Variants in HKDC1 observed in about 807,000 individuals in gnomAD.
HKDC1 encodes the protein hexokinase domain containing 1, also known as hexokinase HKDC1.
HKDC1 carries 66 observed loss-of-function variants against 96.6 expected under a neutral mutation model. That is an observed-to-expected ratio of 0.68 (90% CI 0.56 to 0.84). The LOEUF (loss-of-function observed/expected upper bound fraction) is 0.84. HKDC1 is among the 40% of genes least tolerant of loss of function. The pLI, the probability that HKDC1 is intolerant of heterozygous loss-of-function variation, is 0.00. For missense variants in HKDC1, 1,211 were observed against 1,208.1 expected (o/e 1.00, Z -0.04); for synonymous variants, 466 against 473.1 (o/e 0.98, Z 0.20).
rs2132340385 is a variant in HKDC1, at chr10:69,233,101, T to C, written c.463T>C (p.Ser155Pro). ...HKKLPLGLTF[S>P]FPCRQTKLEE... is the part of the protein sequence containing the mutation. Reference sequence around the variant, plus strand: ...GAAATTGCCCCTTGGCCTAACTTTTTCTTTCCCCTGTCGACAGACTAAACT... The same window carrying C: ...GAAATTGCCCCTTGGCCTAACTTTTCCTTTCCCCTGTCGACAGACTAAACT... Residue 155 changes from serine (S) to proline (P), a missense_variant, in exon 4 of 18, where the codon TCT (serine) becomes CCT (proline). By Grantham distance (74) the Ser-to-Pro change is moderately conservative (BLOSUM62 -1). Transcript: ENST00000354624. The C allele has an allele frequency of 2.5e-6, 4 of 1,614,164 alleles. No individual in the cohort carries two copies. The East Asian group carries it at 8.9e-5, about 36-fold the overall frequency.
intron 4 of HKDC1, 127 bp downstream of exon 4, chr10:69,233,260 G>A: frequency 3.0e-6 from 4 of 1,346,194 alleles, no homozygotes; most frequent in Non-Finnish European, 4.0e-6. Flanking sequence ...TTTTCTTTTT[G>A]TTCATGATGA....
In HKDC1 at chr10:69,258,888, C is replaced by T. The variant is rs775902183; in HGVS notation, c.2145C>T (p.Gly715=). 1 of 1,612,148 alleles carries T rather than the reference C, an allele frequency of 6.2e-7. No individual in the cohort carries two copies. The highest frequency in any genetic ancestry group is 1.1e-5 in the South Asian group (1 of 90,572). Residue 715 remains glycine (G), a synonymous_variant, in exon 15 of 18, where the codon GGC becomes GGT. Transcript: ENST00000354624. ...AGTGGGGAGGATTTGGAGACAATGG[C>T]TGCATAGATGACATCTGGACCCGAT... ...NTEWGGFGDN[G]CIDDIWTRYD...
At position 69,267,394 on chromosome 10, in the gene HKDC1, G is replaced by C; in HGVS notation, c.*637G>C. Reference sequence around the variant, plus strand: ...TTATGTCAGCACCCTGTAGGATTTTGTTCCTTATTAAGTGTGTGCCATGTG... The same window carrying C: ...TTATGTCAGCACCCTGTAGGATTTTCTTCCTTATTAAGTGTGTGCCATGTG... On this transcript the variant is annotated 3_prime_UTR_variant, in exon 18 of 18. Transcript: ENST00000354624. 2.3e-6 allele frequency: 1 copy of C among 429,594 alleles called. No individual in the cohort carries two copies. Among genetic ancestry groups the C allele is most frequent in the Non-Finnish European group, 4.6e-6 (1 of 219,724 alleles). 26.6% of individuals were successfully genotyped at this position (429,594 alleles called of 1,614,324 possible).
At chr10:69,246,499 C>A (rs1393551621) in intron 8 of HKDC1, among the ~76,000 whole-genome samples, 2 of 152,230 alleles carry the variant, frequency 1.3e-5, no homozygotes, top group Non-Finnish European at 2.9e-5. Flanking sequence ...AAAGTGGTAA[C>A]TTGTAGCATT....
At chr10:69,245,343 G>A (rs1370369854) in intron 7 of HKDC1, among the ~76,000 whole-genome samples, 4 of 152,050 alleles carry the variant, frequency 2.6e-5, no homozygotes, top group South Asian at 2.1e-4. Flanking sequence ...CCAGTGCTTC[G>A]GGAGGCCAGG....
chr10:69,251,780 G>A (rs1365145093), intron 12 of HKDC1, among the ~76,000 whole-genome samples: 4 of 141,750 alleles, frequency 2.8e-5, no homozygotes, highest in African/African-American at 1.1e-4. Context: ...TTTTTTTTGA[G>A]ACAGAGTCTC....
At chr10:69,261,000 C>G (rs1290274621) in intron 15 of HKDC1, 139 bp from the exon 16 acceptor site, 1 of 679,008 alleles carries the variant, frequency 1.5e-6, no homozygotes, top group Non-Finnish European at 2.5e-6. Context: ...GCAGTGCTTG[C>G]TCACATCAAG....
At chr10:69,245,606 T>TA (rs1446354030) in intron 7 of HKDC1, among the ~76,000 whole-genome samples, 2 of 149,416 alleles carry the variant, frequency 1.3e-5, no homozygotes, top group East Asian at 3.9e-4. Context: ...ATAATAATAA[T>TA]AATGTTCAAT....
chr10:69,229,089 G>C (rs181716886), intron 2 of HKDC1, among the ~76,000 whole-genome samples: 33 of 152,364 alleles, frequency 2.2e-4, no homozygotes, highest in Admixed American at 1.2e-3. Context: ...CAACCCTGTG[G>C]TGTGGCTGTT....
chr10:69,235,963 A>G (rs1286525227), intron 4 of HKDC1, among the ~76,000 whole-genome samples: 1 of 152,148 alleles, frequency 6.6e-6, no homozygotes, highest in Non-Finnish European at 1.5e-5. Context: ...TATTTGAGAA[A>G]CACTGCAGCT....
intron 1 of HKDC1, among the ~76,000 whole-genome samples, chr10:69,221,932 A>G (rs113958332): frequency 5.3e-5 from 8 of 151,590 alleles, no homozygotes; most frequent in African/African-American, 1.2e-4. Context: ...AAAGAAAAGA[A>G]AAAAAAAGGC....
intron 12 of HKDC1, among the ~76,000 whole-genome samples, chr10:69,252,688 G>A (rs373274096): frequency 7.3e-5 from 11 of 150,842 alleles, no homozygotes; most frequent in African/African-American, 2.7e-4. Context: ...GGTGGCACAT[G>A]CCTGTGGTCC....
At chr10:69,242,267 G>A (rs976562265) in intron 6 of HKDC1, among the ~76,000 whole-genome samples, 1 of 144,440 alleles carries the variant, frequency 6.9e-6, no homozygotes, top group African/African-American at 2.5e-5. Flanking sequence ...CTGTGGCTGC[G>A]TCTGGTAACC....
intron 16 of HKDC1, among the ~76,000 whole-genome samples, chr10:69,264,439 T>C (rs1174087524): frequency 6.6e-6 from 1 of 151,646 alleles, no homozygotes; most frequent in Non-Finnish European, 1.5e-5. Context: ...AGTGGTATGA[T>C]CATGGCTCAC....
chr10:69,220,925 G>A (rs190036312), intron 1 of HKDC1, among the ~76,000 whole-genome samples: 10 of 152,248 alleles, frequency 6.6e-5, no homozygotes, highest in Non-Finnish European at 7.4e-5. Flanking sequence ...CGAGGTGGGC[G>A]GATTACCTGA....
At chr10:69,261,531 C>T (rs1843810729) in intron 16 of HKDC1, 1 of 437,346 alleles carries the variant, frequency 2.3e-6, no homozygotes, top group African/African-American at 1.9e-5. Flanking sequence ...TCAGGCTGGG[C>T]TAATTTGAAA....
chr10:69,261,040 G>A, intron 15 of HKDC1, 99 bp from the exon 16 acceptor site: 1 of 1,079,398 alleles, frequency 9.3e-7, no homozygotes, highest in Non-Finnish European at 1.4e-6. Context: ...CTAGGATCTG[G>A]ATCTTGCTCC....
intron 2 of HKDC1, among the ~76,000 whole-genome samples, chr10:69,230,536 G>A (rs1340532955): frequency 6.6e-6 from 1 of 152,202 alleles, no homozygotes; most frequent in Non-Finnish European, 1.5e-5. Flanking sequence ...GAACCATTGG[G>A]TCCAAGGCAG....
chr10:69,250,493 T>C, intron 11 of HKDC1, 40 bp from the exon 12 acceptor site: 1 of 1,613,406 alleles, frequency 6.2e-7, no homozygotes. Flanking sequence ...CCTGCATCGA[T>C]GTCCGCCTGG....
Sources: gnomAD v4.1 joint callset for allele counts (sites outside exome capture counted in the v4.1 genomes callset) on GRCh38, gnomAD v4.1.1 for gene constraint, MANE v1.5 for transcripts, NCBI Gene and HGNC (gene_info 2026-07-23, HGNC 2026-07-21) for gene names.